Variants in ANO5 observed in about 807,000 individuals in gnomAD.
ANO5 encodes anoctamin 5, also known as anoctamin-5.
Under a neutral mutation model 121.0 loss-of-function variants are expected in ANO5, and 109 were observed. The ratio of observed to expected loss-of-function variants is 0.90; its 90% confidence interval spans 0.77 to 1.06. The LOEUF (loss-of-function observed/expected upper bound fraction) is 1.06, where lower values mean the gene tolerates loss of function less well. Ranked by LOEUF, ANO5 falls within the 50% of genes least tolerant of loss-of-function variation. The pLI is 0.00. For synonymous variants in ANO5, 406 were observed against 359.9 expected (o/e 1.13, Z -1.45); for missense variants, 1,064 against 1,078.5 (o/e 0.99, Z 0.19).
At chr11:22,253,482 AG>A (rs1168421145) in intron 12 of ANO5, among the ~76,000 whole-genome samples, 2 of 152,170 alleles carry the variant, frequency 1.3e-5, no homozygotes, top group African/African-American at 2.4e-5. Flanking sequence ...GCATAGCCAT[AG>A]TAACCAAATA....
chr11:22,244,446 G>A (rs1333518095), intron 9 of ANO5, among the ~76,000 whole-genome samples: 1 of 152,060 alleles, frequency 6.6e-6, no homozygotes, highest in Non-Finnish European at 1.5e-5. Context: ...TTTCTGGTGA[G>A]ATTGGGGACA....
rs1855126760 is a variant in ANO5 at position 22,282,764 on chromosome 11, G to GT, written c.*3000dup. ...TTGTAGTGTTGGGTGCTATGAGTAGGTATGGATCTCTGTTGATTGACTCCA... is the reference window on the plus strand; with the variant it reads ...TTGTAGTGTTGGGTGCTATGAGTAGGTTATGGATCTCTGTTGATTGACTCCA... On this transcript the variant is annotated 3_prime_UTR_variant, in exon 22 of 22. Coordinates refer to ENST00000324559, the MANE Select transcript of ANO5 (RefSeq NM_213599.3). 2 of 152,154 alleles carry GT rather than the reference G, an allele frequency of 1.3e-5. No homozygotes were observed. Among genetic ancestry groups the GT allele is most frequent in the Non-Finnish European group, 2.9e-5 (2 of 68,008 alleles). The allele number at this position is 152,154 out of a possible 1,614,324, so 9.4% of individuals were successfully genotyped here.
At chr11:22,279,056 C>T (rs1178399714) in intron 21 of ANO5, among the ~76,000 whole-genome samples, 2 of 151,822 alleles carry the variant, frequency 1.3e-5, no homozygotes, top group East Asian at 3.9e-4. Flanking sequence ...AATTCAAGTG[C>T]TCCTTATGCA....
At chr11:22,219,863 C>T (rs1852583113) in intron 4 of ANO5, among the ~76,000 whole-genome samples, 1 of 146,944 alleles carries the variant, frequency 6.8e-6, no homozygotes, top group Non-Finnish European at 1.5e-5. Flanking sequence ...GTTACTGTAT[C>T]TTGGCACTTA....
chr11:22,195,100 G>A (rs1410086185), intron 1 of ANO5, among the ~76,000 whole-genome samples: 1 of 152,034 alleles, frequency 6.6e-6, no homozygotes, highest in East Asian at 1.9e-4. Context: ...ACTTGTTATT[G>A]TCTTTTTTAT....
At chr11:22,277,756 A>T (rs1454214932) in intron 21 of ANO5, 1 of 151,276 alleles carries the variant, frequency 6.6e-6, no homozygotes. Context: ...TTTATTTATT[A>T]TTTGTGTTAA....
rs202040709 is a variant in ANO5, at chr11:22,259,528, G to C, written c.1417G>C (p.Val473Leu). 1.2e-5 allele frequency: 20 copies of C among 1,614,066 alleles called. No individual in the cohort carries two copies. The highest frequency in any genetic ancestry group is 1.7e-5 in the Non-Finnish European group (20 of 1,179,960). ...TGTTTTCCTTTCCCAGATGTCTCTTGTCGTCACCAGTATGGTAGCTGTAAT... is the reference window on the plus strand; with the variant it reads ...TGTTTTCCTTTCCCAGATGTCTCTTCTCGTCACCAGTATGGTAGCTGTAAT... ...GATVTLWMSL[V>L]VTSMVAVIVY... is the part of the protein sequence containing the mutation. The change falls in exon 15 of 22, where the codon GTC becomes CTC. Residue 473 changes from valine to leucine, a missense_variant. Coordinates refer to ENST00000324559, the MANE Select transcript of ANO5 (RefSeq NM_213599.3).
chr11:22,231,761 T>C (rs1223106386), intron 7 of ANO5, among the ~76,000 whole-genome samples: 2 of 152,004 alleles, frequency 1.3e-5, no homozygotes, highest in Non-Finnish European at 2.9e-5. Context: ...AATTTTTACA[T>C]GTATTACACT....
chr11:22,207,202 T>C lies in ANO5; in HGVS notation c.87+3352T>C, dbSNP rs186984888. 6.3e-4 allele frequency among the ~76,000 whole-genome samples: 96 copies of C among 152,096 alleles called. 1 individual carries two copies. Among genetic ancestry groups the C allele is most frequent in the African/African-American group, 2.2e-3 (93 of 41,512 alleles). Reference sequence around the variant, plus strand: ...GACATAGGCAAGATTATTCAGAAAATTTTATGGAAATACAAAGGAAGTAGA... The same window carrying C: ...GACATAGGCAAGATTATTCAGAAAACTTTATGGAAATACAAAGGAAGTAGA... On this transcript the variant is annotated intron_variant, in intron 2 of 21. Coordinates refer to ENST00000324559, the MANE Select transcript of ANO5 (RefSeq NM_213599.3).
rs1453462378 is a variant in ANO5 at position 22,276,113 on chromosome 11, C to T, written c.2434C>T (p.Pro812Ser). ...ITCRYRDYRY[P>S]PDDENKYFHN... is the part of the protein sequence containing the mutation. The stretch of plus-strand genomic sequence containing the variant: ...TTTCAGGTACAGAGATTACAGATAT[C>T]CTCCTGATGACGAGAATAAATATTT... Residue 812 changes from proline (P) to serine (S), a missense_variant, in exon 21 of 22, where the codon CCT (proline) becomes TCT (serine). Coordinates refer to ENST00000324559, the MANE Select transcript of ANO5 (RefSeq NM_213599.3). 5 of 1,608,202 alleles carry T rather than the reference C, an allele frequency of 3.1e-6. No homozygotes were observed. In the East Asian group the frequency reaches 8.9e-5, roughly 29 times the overall value.
At position 22,280,683 on chromosome 11, in the gene ANO5, A is replaced by G. The variant is rs974446541; in HGVS notation, c.*918A>G. Reference sequence around the variant, plus strand: ...ATTTCACATCATGAAGCCTTTTTGTATAAGTTAGATACGAGTTGTTTATGA... The same window carrying G: ...ATTTCACATCATGAAGCCTTTTTGTGTAAGTTAGATACGAGTTGTTTATGA... On this transcript the variant is annotated 3_prime_UTR_variant, in exon 22 of 22. Transcript: ENST00000324559. 5.9e-5 allele frequency: 9 copies of G among 151,980 alleles called. No individual in the cohort carries two copies. The highest frequency in any genetic ancestry group is 2.2e-4 in the African/African-American group (9 of 41,442). The allele number at this position is 151,980 out of a possible 1,614,324, so 9.4% of individuals were successfully genotyped here.
chr11:22,238,338 C>A (rs1305720295), intron 8 of ANO5, among the ~76,000 whole-genome samples: 2 of 124,872 alleles, frequency 1.6e-5, no homozygotes, highest in East Asian at 4.4e-4. Context: ...GGCATTAGTT[C>A]TATTCTTACA....
intron 15 of ANO5, among the ~76,000 whole-genome samples, chr11:22,260,666 T>G (rs573582385): frequency 6.6e-6 from 1 of 152,344 alleles, no homozygotes; most frequent in South Asian, 2.1e-4. Flanking sequence ...TTACAGGTTT[T>G]GTAGGAATAC....
At chr11:22,237,692 TAAGAG>T (rs775505235) in intron 8 of ANO5, among the ~76,000 whole-genome samples, 20 of 152,172 alleles carry the variant, frequency 1.3e-4, no homozygotes, top group Admixed American at 6.6e-5. Context: ...AGTTTTTCTG[TAAGAG>T]TAGAGGAAAT....
At chr11:22,229,392 C>T (rs1590249416) in intron 7 of ANO5, among the ~76,000 whole-genome samples, 1 of 151,544 alleles carries the variant, frequency 6.6e-6, no homozygotes, top group Non-Finnish European at 1.5e-5. Flanking sequence ...TATGAATCCA[C>T]AAACTAAAAA....
chr11:22,256,446 A>T lies in ANO5; in HGVS notation c.1332+924A>T, dbSNP rs1280722835. Among the ~76,000 whole-genome samples, 2 of 152,218 alleles carry T rather than the reference A, an allele frequency of 1.3e-5. 1 individual carries two copies. Among genetic ancestry groups the T allele is most frequent in the South Asian group, 4.1e-4 (2 of 4,836 alleles). ...AAAGATCATGAAAACATCTCAAAAG[A>T]TCATGAAAACATCTCAGAAAATACA... On this transcript the variant is annotated intron_variant, in intron 13 of 21. Transcript: ENST00000324559.
At chr11:22,269,485 AAAG>A (rs1272724347) in intron 17 of ANO5, among the ~76,000 whole-genome samples, 2 of 7,992 alleles carry the variant, frequency 2.5e-4, no homozygotes, top group African/African-American at 4.6e-3. Context: ...AAAAGAAAGG[AAAG>A]AAAAAAGAAA....
At chr11:22,216,379 A>C (rs1053535895) in intron 3 of ANO5, among the ~76,000 whole-genome samples, 7 of 151,882 alleles carry the variant, frequency 4.6e-5, no homozygotes, top group African/African-American at 1.4e-4. Flanking sequence ...ATAGCTTTTT[A>C]ATTTCAGTAA....
chr11:22,205,110 A>G (rs1852074211), intron 2 of ANO5, among the ~76,000 whole-genome samples: 1 of 152,048 alleles, frequency 6.6e-6, no homozygotes, highest in Admixed American at 6.6e-5. Context: ...AAAACCAAAT[A>G]CCCCATGTTC....
Sources: gnomAD v4.1 joint callset for allele counts (sites outside exome capture counted in the v4.1 genomes callset) on GRCh38, gnomAD v4.1.1 for gene constraint, MANE v1.5 for transcripts, NCBI Gene and HGNC (gene_info 2026-07-23, HGNC 2026-07-21) for gene names.